AGMO: variants seen among roughly 807,000 people sequenced by gnomAD.
The protein encoded by AGMO is alkylglycerol monooxygenase.
A neutral mutation model predicts 60.2 loss-of-function variants in AGMO; 75 were observed. The observed-to-expected ratio is 1.25, with a 90% CI of 1.03 to 1.51. The LOEUF is 1.51. Among genes scored for constraint, AGMO ranks in the 40% most tolerant of loss-of-function variants. The pLI is 0.00. For synonymous variants in AGMO, 261 were observed against 177.1 expected, an observed-to-expected ratio of 1.47 and a Z score of -3.76; for missense variants, 763 against 525.5, an observed-to-expected ratio of 1.45 and a Z score of -4.42.
At chr7:15,410,047 A>AAT (rs1784797599) in intron 5 of AGMO, among the ~76,000 whole-genome samples, 1 of 151,682 alleles carries the variant, frequency 6.6e-6, no homozygotes, top group South Asian at 2.1e-4. Flanking sequence ...TTTTCTTTGG[A>AAT]ATATATCAGT....
At chr7:15,426,871 G>A (rs1449815266) in intron 4 of AGMO, among the ~76,000 whole-genome samples, 3 of 152,146 alleles carry the variant, frequency 2.0e-5, no homozygotes, top group Non-Finnish European at 4.4e-5. Context: ...ATTGAGAGAA[G>A]TGAAAATCGT....
At chr7:15,134,081 G>A in the AGMO span, among the ~76,000 whole-genome samples, 2 of 152,044 alleles carry the variant, frequency 1.3e-5, no homozygotes, top group East Asian at 3.9e-4. Flanking sequence ...TTTGTTACAT[G>A]GGTAGACTGC....
At chr7:15,269,244 G>A (rs1783524021) in intron 12 of AGMO, among the ~76,000 whole-genome samples, 2 of 152,088 alleles carry the variant, frequency 1.3e-5, no homozygotes, top group South Asian at 4.1e-4. Flanking sequence ...GCAAGTGAAG[G>A]TGGAAGATAC....
chr7:15,335,284 T>G (rs191347371), intron 12 of AGMO, among the ~76,000 whole-genome samples: 1 of 152,130 alleles, frequency 6.6e-6, no homozygotes. Context: ...TTCTGTAAAT[T>G]TATGAAAATT....
At chr7:15,175,560 T>C in the AGMO span, among the ~76,000 whole-genome samples, 1 of 151,924 alleles carries the variant, frequency 6.6e-6, no homozygotes, top group Admixed American at 6.6e-5. Context: ...CTCTCCTATC[T>C]GTGTAAGGTC....
chr7:15,525,158 C>T (rs1784092232), intron 3 of AGMO, among the ~76,000 whole-genome samples: 1 of 152,058 alleles, frequency 6.6e-6, no homozygotes. Flanking sequence ...AAATAGAAGT[C>T]TTCAGGCTGA....
At chr7:15,427,211 G>A (rs1781090432) in intron 4 of AGMO, among the ~76,000 whole-genome samples, 1 of 152,112 alleles carries the variant, frequency 6.6e-6, no homozygotes, top group Admixed American at 6.6e-5. Context: ...TTTTTCTATA[G>A]TAGATACATA....
intron 12 of AGMO, among the ~76,000 whole-genome samples, chr7:15,280,878 A>T (rs1161721277): frequency 6.6e-6 from 1 of 152,206 alleles, no homozygotes; most frequent in Non-Finnish European, 1.5e-5. Flanking sequence ...TAACCAAAGG[A>T]TCTCTAATGT....
intron 12 of AGMO, among the ~76,000 whole-genome samples, chr7:15,341,475 A>G (rs1209116496): frequency 6.6e-6 from 1 of 152,144 alleles, no homozygotes; most frequent in Non-Finnish European, 1.5e-5. Context: ...TTTATTGTCC[A>G]TATCACTATC....
At chr7:15,258,835 C>T (rs1200944249) in intron 12 of AGMO, among the ~76,000 whole-genome samples, 1 of 152,126 alleles carries the variant, frequency 6.6e-6, no homozygotes, top group South Asian at 2.1e-4. Context: ...ACAATCACTA[C>T]AGTTTGGCTC....
rs912735656 is a variant in AGMO, at chr7:15,553,412, G to T, written c.257+6729C>A. ...TAGTAGAAAGTTGAAATCATCTCTAGCTGAATGGCTTAAGTATTAGCACAT... is the reference window on the plus strand; with the variant it reads ...TAGTAGAAAGTTGAAATCATCTCTATCTGAATGGCTTAAGTATTAGCACAT... On this transcript the variant is annotated intron_variant, in intron 2 of 12. Coordinates refer to ENST00000342526, the MANE Select transcript of AGMO (RefSeq NM_001004320.2). 7.2e-5 allele frequency among the ~76,000 whole-genome samples: 11 copies of T among 151,924 alleles called. 1 individual carries two copies. The highest frequency in any genetic ancestry group is 2.7e-4 in the African/African-American group (11 of 41,476).
chr7:15,359,841 C>G (rs1782683363), intron 12 of AGMO, among the ~76,000 whole-genome samples: 1 of 152,094 alleles, frequency 6.6e-6, no homozygotes, highest in African/African-American at 2.4e-5. Context: ...GAAACCTTTC[C>G]ATATGATAGT....
intron 12 of AGMO, among the ~76,000 whole-genome samples, chr7:15,255,673 T>A (rs1783076299): frequency 6.6e-6 from 1 of 152,174 alleles, no homozygotes; most frequent in Non-Finnish European, 1.5e-5. Flanking sequence ...AATGATCAAA[T>A]TTTATTCATC....
the AGMO span, among the ~76,000 whole-genome samples, chr7:15,164,799 A>C: frequency 1.3e-5 from 2 of 152,166 alleles, no homozygotes; most frequent in East Asian, 1.9e-4. Flanking sequence ...TGTTTGTGGA[A>C]ATGTAAAGTA....
chr7:15,361,701 T>C (rs1782774387), intron 12 of AGMO, among the ~76,000 whole-genome samples: 1 of 152,060 alleles, frequency 6.6e-6, no homozygotes, highest in African/African-American at 2.4e-5. Flanking sequence ...TGGTTATATC[T>C]TCTTACAATC....
chr7:15,223,996 T>C (rs1352448205), intron 12 of AGMO, among the ~76,000 whole-genome samples: 3 of 152,070 alleles, frequency 2.0e-5, no homozygotes, highest in Non-Finnish European at 4.4e-5. Flanking sequence ...AATTCTATTA[T>C]GATGAACCTC....
intron 3 of AGMO, among the ~76,000 whole-genome samples, chr7:15,464,110 C>T (rs543944999): frequency 7.2e-5 from 11 of 152,250 alleles, no homozygotes; most frequent in South Asian, 2.1e-4. Context: ...AGCACAGTCC[C>T]GATCACTTAC....
chr7:15,496,550 C>CG (rs1554279425), intron 3 of AGMO, among the ~76,000 whole-genome samples: 1 of 149,020 alleles, frequency 6.7e-6, no homozygotes, highest in Admixed American at 6.7e-5. Context: ...GCTGAGGAAT[C>CG]AAAAAAAAAA....
At chr7:15,390,526 A>G in intron 8 of AGMO, 145 bp downstream of exon 8, 2 of 515,276 alleles carry the variant, frequency 3.9e-6, no homozygotes. Flanking sequence ...TGTGTAACAA[A>G]GAGTTATTTG....
Sources: gnomAD v4.1 joint callset for allele counts (sites outside exome capture counted in the v4.1 genomes callset) on GRCh38, gnomAD v4.1.1 for gene constraint, MANE v1.5 for transcripts, NCBI Gene and HGNC (gene_info 2026-07-23, HGNC 2026-07-21) for gene names.